Variants in CATSPERT observed in about 807,000 individuals in gnomAD.
The protein encoded by CATSPERT is cation channel sperm-associated targeting subunit tau.
the CATSPERT span, chr2:201,493,916 C>T: frequency 6.5e-7 from 1 of 1,537,022 alleles, no homozygotes; most frequent in Non-Finnish European, 8.7e-7. Flanking sequence ...TGTCCTGGTC[C>T]ACTTTCTAAA....
the CATSPERT span, among the ~76,000 whole-genome samples, chr2:201,515,576 C>G: frequency 1.3e-5 from 2 of 151,994 alleles, no homozygotes; most frequent in Non-Finnish European, 2.9e-5. Flanking sequence ...ACTTGCCAAC[C>G]AACAGGGCAT....
chr2:201,549,292 G>GA, the CATSPERT span, among the ~76,000 whole-genome samples: 3 of 151,962 alleles, frequency 2.0e-5, no homozygotes, highest in East Asian at 5.8e-4. Context: ...TATACAACAT[G>GA]AAACACCATT....
At chr2:201,594,067 C>G in the CATSPERT span, among the ~76,000 whole-genome samples, 1 of 152,134 alleles carries the variant, frequency 6.6e-6, no homozygotes, top group Non-Finnish European at 1.5e-5. Flanking sequence ...CAGTTTCTTC[C>G]TAGCCTCGAT....
chr2:201,525,485 T>C, the CATSPERT span, among the ~76,000 whole-genome samples: 835 of 152,216 alleles, frequency 5.5e-3, 7 homozygotes, highest in African/African-American at 0.019. Context: ...TAGCACTAAA[T>C]GCCCACATCA....
At chr2:201,507,531 T>C in the CATSPERT span, among the ~76,000 whole-genome samples, 1 of 152,208 alleles carries the variant, frequency 6.6e-6, no homozygotes, top group Non-Finnish European at 1.5e-5. Context: ...AAAGCAGATA[T>C]GTGTGTTCCC....
the CATSPERT span, among the ~76,000 whole-genome samples, chr2:201,604,314 C>A: frequency 7.3e-3 from 1,107 of 152,164 alleles, 21 homozygotes; most frequent in African/African-American, 0.026. Context: ...TTCCCAGGCT[C>A]CTCTCCTAGA....
the CATSPERT span, among the ~76,000 whole-genome samples, chr2:201,562,964 C>T: frequency 6.6e-6 from 1 of 150,760 alleles, no homozygotes; most frequent in Non-Finnish European, 1.5e-5. Flanking sequence ...TTTTCCCCAC[C>T]TTTCCCCCCT....
At chr2:201,581,548 GTATATATATATA>G in the CATSPERT span, among the ~76,000 whole-genome samples, 145 of 9,652 alleles carry the variant, frequency 0.015, 4 homozygotes, top group African/African-American at 0.058. Flanking sequence ...AAAAATGTGT[GTATATATATATA>G]TATATATATA....
the CATSPERT span, chr2:201,553,720 T>C: frequency 2.0e-5 from 3 of 152,312 alleles, no homozygotes; most frequent in Admixed American, 6.5e-5. Context: ...TAGCAACTAA[T>C]ACATCATTAG....
At chr2:201,586,648 C>A in the CATSPERT span, among the ~76,000 whole-genome samples, 1 of 151,844 alleles carries the variant, frequency 6.6e-6, no homozygotes, top group Non-Finnish European at 1.5e-5. Flanking sequence ...TCAATATTTT[C>A]AAATTTTTAG....
At chr2:201,534,290 G>A in the CATSPERT span, 1 of 598,904 alleles carries the variant, frequency 1.7e-6, no homozygotes, top group Non-Finnish European at 2.1e-6. Flanking sequence ...CAGAAGAACT[G>A]CCCAACAAGC....
chr2:201,532,840 T>G, the CATSPERT span, among the ~76,000 whole-genome samples: 1 of 152,194 alleles, frequency 6.6e-6, no homozygotes, highest in Non-Finnish European at 1.5e-5. Context: ...TGGTAATATA[T>G]TAGTCATTGG....
At chr2:201,512,888 A>C in the CATSPERT span, among the ~76,000 whole-genome samples, 1 of 150,942 alleles carries the variant, frequency 6.6e-6, no homozygotes, top group Non-Finnish European at 1.5e-5. Context: ...CTAGGAGAAC[A>C]CATGGACACA....
chr2:201,597,048 T>A, the CATSPERT span, among the ~76,000 whole-genome samples: 4 of 152,238 alleles, frequency 2.6e-5, no homozygotes, highest in Admixed American at 1.3e-4. Context: ...CTGGATTTTT[T>A]AAATATCTTC....
At chr2:201,537,563 A>C in the CATSPERT span, 18 of 1,109,660 alleles carry the variant, frequency 1.6e-5, no homozygotes, top group Non-Finnish European at 2.1e-5. Context: ...ATACTATTAC[A>C]TTTTTTCTCA....
the CATSPERT span, among the ~76,000 whole-genome samples, chr2:201,516,150 A>G: frequency 6.6e-6 from 1 of 152,216 alleles, no homozygotes; most frequent in African/African-American, 2.4e-5. Flanking sequence ...TACTGTAGAC[A>G]GTTGAAGCAC....
the CATSPERT span, among the ~76,000 whole-genome samples, chr2:201,547,844 C>T: frequency 2.0e-5 from 3 of 152,052 alleles, no homozygotes; most frequent in Non-Finnish European, 4.4e-5. Context: ...CAGAAGGGTA[C>T]ACAAAATGTA....
the CATSPERT span, among the ~76,000 whole-genome samples, chr2:201,511,187 C>A: frequency 6.6e-6 from 1 of 152,110 alleles, no homozygotes; most frequent in African/African-American, 2.4e-5. Context: ...GATGCAAATG[C>A]AAATTAGCAT....
At chr2:201,504,103 C>G in the CATSPERT span, among the ~76,000 whole-genome samples, 2 of 152,204 alleles carry the variant, frequency 1.3e-5, no homozygotes, top group East Asian at 3.9e-4. Flanking sequence ...GCCAAAGACT[C>G]CAGAGGAACT....
Sources: allele counts gnomAD v4.1 joint callset (sites outside exome capture counted in the v4.1 genomes callset), GRCh38; gene constraint gnomAD v4.1.1; transcripts MANE v1.5; gene names NCBI Gene and HGNC (gene_info 2026-07-23, HGNC 2026-07-21).